The following TECPR2 variants were observed in gnomAD, a reference collection of about 807,000 sequenced individuals.
The protein encoded by TECPR2 is tectonin beta-propeller repeat containing 2.
A neutral mutation model predicts 138.1 loss-of-function variants in TECPR2; 65 were observed. The observed-to-expected ratio is 0.47, with a 90% CI of 0.39 to 0.58. The LOEUF (loss-of-function observed/expected upper bound fraction) is 0.58, where lower values mean the gene tolerates loss of function less well. Among genes scored for constraint, TECPR2 ranks in the 20% least tolerant of loss-of-function variants. The pLI is 0.00. For synonymous variants in TECPR2, 746 were observed against 749.8 expected (o/e 0.99, Z 0.08); for missense variants, 1,553 against 1,824.5 (o/e 0.85, Z 2.71).
intron 2 of TECPR2, among the ~76,000 whole-genome samples, chr14:102,383,466 G>A (rs113577476): frequency 0.087 from 13,133 of 151,168 alleles, 756 homozygotes; most frequent in African/African-American, 0.17. Flanking sequence ...GGAGTGCAGT[G>A]GAGCGATCTC....
At position 102,425,308 on chromosome 14, in the gene TECPR2, C is replaced by T. The variant is rs745728811; in HGVS notation, c.951+17C>T. On this transcript the variant is annotated intron_variant, in intron 6 of 19. Transcript: ENST00000359520. Reference sequence around the variant, plus strand: ...GTCAACCAGGTAAGTGAAGGGACGCCACCATATCTTCTGTGTCTATAGGCA... The same window carrying T: ...GTCAACCAGGTAAGTGAAGGGACGCTACCATATCTTCTGTGTCTATAGGCA... 2.6e-6 allele frequency: 4 copies of T among 1,561,334 alleles called. No individual in the cohort carries two copies. The highest frequency in any genetic ancestry group is 2.4e-5 in the South Asian group (2 of 82,120).
Position 102,452,530 on chromosome 14 carries a change from G to A in TECPR2, c.3543G>A (p.Leu1181=), listed in dbSNP as rs894571102. 1.2e-6 allele frequency: 2 copies of A among 1,612,106 alleles called. No individual in the cohort carries two copies. Among genetic ancestry groups the A allele is most frequent in the Non-Finnish European group, 1.7e-6 (2 of 1,179,558 alleles). ...MRAYAACQDA[L]WALDSLGQVF... is the part of the protein sequence containing the mutation. ...CCTATGCCGCCTGCCAGGATGCGCT[G>A]TGGGCGCTGGACAGCCTCGGCCAGG... Residue 1181 remains leucine (L), a synonymous_variant, in exon 16 of 20, where the codon CTG becomes CTA. Transcript: ENST00000359520.
chr14:102,392,284 C>T (rs752964025), intron 2 of TECPR2, among the ~76,000 whole-genome samples: 6 of 152,148 alleles, frequency 3.9e-5, no homozygotes, highest in Admixed American at 6.5e-5. Flanking sequence ...TGAGCCACTG[C>T]GCCTGGCTGA....
In TECPR2 at chr14:102,415,763, C is replaced by T. The variant is rs1276323909; in HGVS notation, c.638+970C>T. Among the ~76,000 whole-genome samples the T allele has an allele frequency of 6.6e-6, 1 of 152,172 alleles. No individual in the cohort carries two copies. Among genetic ancestry groups the T allele is most frequent in the Non-Finnish European group, 1.5e-5 (1 of 68,036 alleles). ...CCGTCTTGTGTCTCCCAGGAAAGGG[C>T]ACTGTTTGCCTGCATAGAATCAGGG... On this transcript the variant is annotated intron_variant, in intron 5 of 19. Coordinates refer to ENST00000359520, the MANE Select transcript of TECPR2 (RefSeq NM_014844.5). The surrounding 1 kb of genome is among the most constrained non-coding windows in gnomAD (Gnocchi z 4.3).
intron 8 of TECPR2, among the ~76,000 whole-genome samples, chr14:102,432,482 G>A (rs1382643454): frequency 3.3e-5 from 5 of 151,974 alleles, no homozygotes; most frequent in African/African-American, 9.7e-5. Context: ...GCAATGGCAC[G>A]ATCTCGGCTC....
chr14:102,430,555 C>G (rs76296295), intron 7 of TECPR2, among the ~76,000 whole-genome samples: 1 of 152,170 alleles, frequency 6.6e-6, no homozygotes, highest in Non-Finnish European at 1.5e-5. Context: ...GTCTGGCACA[C>G]GGAGGATCCC....
rs189962365 is a variant in TECPR2 at position 102,427,394 on chromosome 14, C to A, written c.952-856C>A. ...AGGGGACCGTCTGGGACAGATGTCA[C>A]AGTCACCCTCAGAGACTGGACCACC... On this transcript the variant is annotated intron_variant, in intron 6 of 19. Transcript: ENST00000359520. Among the ~76,000 whole-genome samples the A allele has an allele frequency of 2.3e-3, 355 of 152,316 alleles. 2 individuals are homozygous for A. The highest frequency in any genetic ancestry group is 3.9e-3 in the Non-Finnish European group (263 of 68,024).
At chr14:102,477,237 G>C (rs980929070) in intron 17 of TECPR2, among the ~76,000 whole-genome samples, 1 of 152,074 alleles carries the variant, frequency 6.6e-6, no homozygotes, top group African/African-American at 2.4e-5. Context: ...GAGTGTGGTG[G>C]TGCACACCTG....
In TECPR2 at chr14:102,428,883, T is replaced by C. The variant is rs183667412; in HGVS notation, c.1084+501T>C. 2.3e-3 allele frequency among the ~76,000 whole-genome samples: 355 copies of C among 152,050 alleles called. 2 individuals are homozygous for C. The highest frequency in any genetic ancestry group is 7.9e-3 in the African/African-American group (327 of 41,462). ...TTTTTTTGAGATGGAGTTTCGCTCTTGTTGCCCAGGCTAGAGTGCAATGAG... is the reference window on the plus strand; with the variant it reads ...TTTTTTTGAGATGGAGTTTCGCTCTCGTTGCCCAGGCTAGAGTGCAATGAG... On this transcript the variant is annotated intron_variant, in intron 7 of 19. Transcript: ENST00000359520.
chr14:102,462,446 G>A (rs1399376818), intron 16 of TECPR2, among the ~76,000 whole-genome samples: 2 of 152,190 alleles, frequency 1.3e-5, no homozygotes, highest in Non-Finnish European at 2.9e-5. Flanking sequence ...TTTAGAAAAT[G>A]CAAAGAGGAA....
At chr14:102,373,748 A>G (rs915903626) in intron 1 of TECPR2, among the ~76,000 whole-genome samples, 4 of 152,106 alleles carry the variant, frequency 2.6e-5, no homozygotes, top group Non-Finnish European at 5.9e-5. Flanking sequence ...ATACGTGGAT[A>G]TGTTCTGCCT....
At chr14:102,452,666 C>T (rs1448367832) in intron 16 of TECPR2, 39 bp downstream of exon 16, 1 of 1,500,186 alleles carries the variant, frequency 6.7e-7, no homozygotes, top group African/African-American at 1.4e-5. Flanking sequence ...GGTGCCCTGA[C>T]TGCCCTAAAC....
chr14:102,463,243 C>A (rs1228093480), intron 16 of TECPR2, among the ~76,000 whole-genome samples: 2 of 151,706 alleles, frequency 1.3e-5, no homozygotes, highest in African/African-American at 4.8e-5. Context: ...ATGGCAAAAC[C>A]CTGTCTCTAC....
chr14:102,380,900 G>T (rs1235584219), intron 2 of TECPR2, among the ~76,000 whole-genome samples: 1 of 150,498 alleles, frequency 6.6e-6, no homozygotes, highest in African/African-American at 2.4e-5. Context: ...GGATGGTCTC[G>T]ATCTCCTGAC....
chr14:102,386,305 A>G (rs1448881631), intron 2 of TECPR2, among the ~76,000 whole-genome samples: 1 of 151,924 alleles, frequency 6.6e-6, no homozygotes, highest in Non-Finnish European at 1.5e-5. Flanking sequence ...CCCCATCTCT[A>G]CTAAAAATAT....
In TECPR2 at chr14:102,499,094, G is replaced by A. The variant is rs1307182214; in HGVS notation, c.*837G>A. ...CGGCGCAGGCTGCCCGCCTCCTGGA[G>A]AGCACACTTCAGCTGAAACAGTAAA... On this transcript the variant is annotated 3_prime_UTR_variant, in exon 20 of 20. Coordinates refer to ENST00000359520, the MANE Select transcript of TECPR2 (RefSeq NM_014844.5). 1 of 702,984 alleles carries A rather than the reference G, an allele frequency of 1.4e-6. No individual in the cohort carries two copies. Among genetic ancestry groups the A allele is most frequent in the South Asian group, 1.5e-5 (1 of 67,590 alleles). 43.5% of individuals were successfully genotyped at this position (702,984 alleles called of 1,614,324 possible). A position where few individuals can be genotyped will look rare whatever the true frequency, so the allele number is the denominator to read the frequency against.
rs1282472746 is a variant in TECPR2, at chr14:102,434,643, A to G, written c.1826A>G (p.Asn609Ser). The G allele has an allele frequency of 6.9e-6, 11 of 1,600,136 alleles. No homozygotes were observed. The highest frequency in any genetic ancestry group is 1.7e-4 in the Middle Eastern group (1 of 6,032). Residue 609 changes from asparagine (N) to serine (S), a missense_variant, in exon 9 of 20, where the codon AAT becomes AGT. Coordinates refer to ENST00000359520, the MANE Select transcript of TECPR2 (RefSeq NM_014844.5). Reference sequence around the variant, plus strand: ...CCGTGTCCTGCAGATGATGGACCAAATAGCACACAGTTACCCTTCCAAGAA... The same window carrying G: ...CCGTGTCCTGCAGATGATGGACCAAGTAGCACACAGTTACCCTTCCAAGAA... ...DEPCPADDGP[N>S]STQLPFQEQD...
chr14:102,482,955 T>C (rs905038802), intron 17 of TECPR2, among the ~76,000 whole-genome samples: 1 of 148,880 alleles, frequency 6.7e-6, no homozygotes, highest in African/African-American at 2.5e-5. Context: ...GCCATTCTCC[T>C]GCCTCAGCCT....
At chr14:102,370,597 G>T (rs1887478115) in intron 1 of TECPR2, among the ~76,000 whole-genome samples, 2 of 152,220 alleles carry the variant, frequency 1.3e-5, no homozygotes, top group African/African-American at 4.8e-5. Context: ...TCCTCGGGTG[G>T]CAGAGGCCAG....
Sources: allele counts gnomAD v4.1 joint callset (sites outside exome capture counted in the v4.1 genomes callset), GRCh38; gene constraint gnomAD v4.1.1; non-coding constraint Gnocchi (gnomAD v3.1); transcripts MANE v1.5; gene names NCBI Gene and HGNC (gene_info 2026-07-23, HGNC 2026-07-21).